Variants in MAGI1 observed in about 807,000 individuals in gnomAD.
MAGI1 encodes membrane associated guanylate kinase, WW and PDZ domain containing 1.
Under a neutral mutation model 139.9 loss-of-function variants are expected in MAGI1, and 58 were observed. The ratio of observed to expected loss-of-function variants is 0.41; its 90% CI spans 0.34 to 0.52. The LOEUF (loss-of-function observed/expected upper bound fraction) is 0.52, where lower values mean the gene tolerates loss of function less well. MAGI1 is among the 20% of genes least tolerant of loss of function. The pLI is 0.12. For synonymous variants in MAGI1, 812 were observed against 737.9 expected (o/e 1.10, Z -1.63); for missense variants, 1,874 against 1,901.6 (o/e 0.99, Z 0.27).
At chr3:65,673,965 C>T (rs1052554440) in intron 1 of MAGI1, among the ~76,000 whole-genome samples, 8 of 152,058 alleles carry the variant, frequency 5.3e-5, no homozygotes, top group South Asian at 2.1e-4. Flanking sequence ...CACAGCTGGG[C>T]GTGTGGCATG....
chr3:65,491,512 A>G (rs1188251651), intron 3 of MAGI1, among the ~76,000 whole-genome samples: 1 of 152,114 alleles, frequency 6.6e-6, no homozygotes, highest in Admixed American at 6.5e-5. Flanking sequence ...AAATGCAAAT[A>G]GATGTTTTAT....
intron 2 of MAGI1, among the ~76,000 whole-genome samples, chr3:65,575,321 T>C (rs944905500): frequency 9.9e-5 from 15 of 152,152 alleles, no homozygotes; most frequent in Non-Finnish European, 1.9e-4. Flanking sequence ...ATTAAAACCA[T>C]AATGAGGTAC....
chr3:65,546,103 G>A (rs775893474), intron 2 of MAGI1, among the ~76,000 whole-genome samples: 7 of 151,672 alleles, frequency 4.6e-5, no homozygotes, highest in South Asian at 2.1e-4. Context: ...CTATGCACAC[G>A]CACAATTGCA....
chr3:65,423,813 T>C (rs1946807596), intron 12 of MAGI1, among the ~76,000 whole-genome samples: 1 of 152,206 alleles, frequency 6.6e-6, no homozygotes, highest in South Asian at 2.1e-4. Flanking sequence ...ATATGTAAAA[T>C]GTCTAGAAGC....
intron 2 of MAGI1, among the ~76,000 whole-genome samples, chr3:65,496,151 C>T (rs2107680178): frequency 6.6e-6 from 1 of 152,172 alleles, no homozygotes; most frequent in South Asian, 2.1e-4. Context: ...AAGAGATCCT[C>T]TCACCTCAGC....
At chr3:65,857,077 T>C (rs1018711068) in intron 1 of MAGI1, among the ~76,000 whole-genome samples, 4 of 152,238 alleles carry the variant, frequency 2.6e-5, no homozygotes, top group African/African-American at 9.6e-5. Context: ...TCATGGCCAC[T>C]GCACACGCAC....
intron 2 of MAGI1, among the ~76,000 whole-genome samples, chr3:65,588,162 C>CGATGAAAACGGGAAGCT (rs1265247959): frequency 1.3e-5 from 2 of 152,148 alleles, no homozygotes; most frequent in African/African-American, 4.8e-5. Flanking sequence ...ACTCCTGTAA[C>CGATGAAAACGGGAAGCT]GATGAAAACG....
chr3:65,478,844 T>C (rs774608415), intron 3 of MAGI1, 46 bp from the exon 4 acceptor site: 9 of 1,467,764 alleles, frequency 6.1e-6, no homozygotes, highest in Admixed American at 1.7e-5. Flanking sequence ...AGGAATACTT[T>C]GTGTTTTTTT....
intron 1 of MAGI1, among the ~76,000 whole-genome samples, chr3:65,779,087 A>G (rs1484611849): frequency 6.6e-6 from 1 of 152,268 alleles, no homozygotes; most frequent in Non-Finnish European, 1.5e-5. Context: ...GTAGCAACCC[A>G]CAAAATGAAA....
chr3:65,472,955 G>A (rs1464490315), intron 4 of MAGI1, among the ~76,000 whole-genome samples: 2 of 152,184 alleles, frequency 1.3e-5, no homozygotes, highest in African/African-American at 4.8e-5. Context: ...CACACTATCC[G>A]AGTTTGAATC....
chr3:65,791,167 G>A (rs1468143194), intron 1 of MAGI1, among the ~76,000 whole-genome samples: 2 of 152,206 alleles, frequency 1.3e-5, no homozygotes, highest in Non-Finnish European at 2.9e-5. Flanking sequence ...AGCGCGTGCT[G>A]TCCATGCCTC....
Position 65,783,501 on chromosome 3 carries a change from T to A in MAGI1, c.314-161413A>T, listed in dbSNP as rs1044623426. Among the ~76,000 whole-genome samples the A allele has an allele frequency of 5.3e-5, 8 of 151,018 alleles. No homozygotes were observed. In the East Asian group the frequency reaches 7.9e-4, roughly 15 times the overall value. On this transcript the variant is annotated intron_variant, in intron 1 of 22. Coordinates refer to ENST00000402939, the MANE Select transcript of MAGI1 (RefSeq NM_001033057.2). ...TGTCTCCAGAAAGAAAAAAAAAAAATTTGTCTTGAGACAGGGTCTCACTCT... is the reference window on the plus strand; with the variant it reads ...TGTCTCCAGAAAGAAAAAAAAAAAAATTGTCTTGAGACAGGGTCTCACTCT...
At chr3:65,808,454 T>C (rs1354215679) in intron 1 of MAGI1, among the ~76,000 whole-genome samples, 1 of 152,010 alleles carries the variant, frequency 6.6e-6, no homozygotes, top group Non-Finnish European at 1.5e-5. Context: ...ACCCAAATCG[T>C]GCCACTGCAA....
chr3:65,855,665 A>G (rs1169803574), intron 1 of MAGI1, among the ~76,000 whole-genome samples: 4 of 142,460 alleles, frequency 2.8e-5, no homozygotes, highest in Non-Finnish European at 6.1e-5. Flanking sequence ...AAAGGAAAAA[A>G]AGAGAAAAGA....
intron 11 of MAGI1, among the ~76,000 whole-genome samples, 170 bp downstream of exon 11, chr3:65,430,529 T>C (rs1344060431): frequency 2.0e-5 from 3 of 152,282 alleles, no homozygotes; most frequent in South Asian, 2.1e-4. Context: ...AAGGGATGAA[T>C]TTATGTAATG....
chr3:65,579,960 A>G (rs2108117098), intron 2 of MAGI1, among the ~76,000 whole-genome samples: 2 of 152,226 alleles, frequency 1.3e-5, no homozygotes, highest in East Asian at 3.9e-4. Flanking sequence ...TTTCTGATTA[A>G]AAAATTATAA....
intron 1 of MAGI1, among the ~76,000 whole-genome samples, chr3:65,784,971 G>C (rs557400568): frequency 6.6e-6 from 1 of 152,268 alleles, no homozygotes; most frequent in South Asian, 2.1e-4. Context: ...GGCAGAGAAG[G>C]AAATGACTAC....
At chr3:65,457,461 A>G (rs1447868019) in intron 5 of MAGI1, among the ~76,000 whole-genome samples, 1 of 152,180 alleles carries the variant, frequency 6.6e-6, no homozygotes, top group Non-Finnish European at 1.5e-5. Context: ...ATGTTTAAGT[A>G]TATCTCTCCA....
At chr3:65,957,978 CT>C (rs2064220133) in intron 1 of MAGI1, among the ~76,000 whole-genome samples, 1 of 152,054 alleles carries the variant, frequency 6.6e-6, no homozygotes, top group Non-Finnish European at 1.5e-5. Context: ...AGGCTGGTCT[CT>C]AACTCTTGAC....
Sources: gnomAD v4.1 joint callset for allele counts (sites outside exome capture counted in the v4.1 genomes callset) on GRCh38, gnomAD v4.1.1 for gene constraint, MANE v1.5 for transcripts, NCBI Gene and HGNC (gene_info 2026-07-23, HGNC 2026-07-21) for gene names.